DDX47: variants seen among roughly 807,000 people sequenced by gnomAD.
The protein encoded by DDX47 is DEAD-box helicase 47.
In DDX47, 60 loss-of-function variants were observed where a neutral mutation model predicts 58.8. The ratio of observed to expected loss-of-function variants is 1.02; its 90% CI spans 0.83 to 1.26. The LOEUF is 1.26. Among genes scored for constraint, DDX47 ranks in the 50% most tolerant of loss-of-function variants. The probability of loss-of-function intolerance (pLI) is 0.00; values close to 1 mark genes in which losing one functional copy is unlikely to be tolerated. For missense variants in DDX47, 530 were observed against 573.2 expected (o/e 0.92, Z 0.77); for synonymous variants, 197 against 204.6 (o/e 0.96, Z 0.32).
chr12:12,819,050 G>A (rs1005183015), intron 2 of DDX47, among the ~76,000 whole-genome samples: 4 of 152,176 alleles, frequency 2.6e-5, no homozygotes, highest in African/African-American at 9.7e-5. Context: ...ACTGATTAAT[G>A]TTTAAGAGGT....
rs1056537877 is a variant in DDX47 at position 12,821,244 on chromosome 12, G to A, written c.218G>A (p.Gly73Glu). The A allele has an allele frequency of 8.7e-6, 14 of 1,614,110 alleles. No individual in the cohort carries two copies. The highest frequency in any genetic ancestry group is 1.0e-5 in the Non-Finnish European group (12 of 1,180,060). Residue 73 changes from glycine (G) to glutamate (E), a missense_variant, in exon 3 of 12, where the codon GGA becomes GAA. Coordinates refer to ENST00000358007, the MANE Select transcript of DDX47 (RefSeq NM_016355.4). ...DIIGLAETGS[G>E]KTGAFALPIL... ...ATTGGGCTTGCAGAAACTGGCTCTG[G>A]AAAGACAGGCGCCTTTGCTTTGCCC...
intron 11 of DDX47, among the ~76,000 whole-genome samples, chr12:12,827,816 T>G (rs1222253883): frequency 2.0e-5 from 3 of 152,010 alleles, no homozygotes; most frequent in Non-Finnish European, 4.4e-5. Flanking sequence ...TAGTAGGGGT[T>G]GATCATACCT....
chr12:12,827,414 A>G (rs1340391106), intron 11 of DDX47, 39 bp downstream of exon 11: 2 of 1,609,782 alleles, frequency 1.2e-6, no homozygotes, highest in Non-Finnish European at 1.7e-6. Flanking sequence ...CTGTGCAAAC[A>G]ATGTTAACTG....
chr12:12,825,806 C>G (rs912512216), intron 9 of DDX47, among the ~76,000 whole-genome samples, 194 bp from the exon 10 acceptor site: 1 of 152,160 alleles, frequency 6.6e-6, no homozygotes, highest in Non-Finnish European at 1.5e-5. Flanking sequence ...AGCATTGGAT[C>G]AATTTTGTGC....
intron 2 of DDX47, chr12:12,814,711 T>A (rs1182774914): frequency 1.3e-5 from 2 of 157,114 alleles, no homozygotes; most frequent in East Asian, 3.8e-4. Flanking sequence ...AGATAGAGTT[T>A]CGCTCTGTCG....
intron 1 of DDX47, among the ~76,000 whole-genome samples, 183 bp from the exon 2 acceptor site, chr12:12,813,948 A>C (rs1862853725): frequency 6.6e-6 from 1 of 152,222 alleles, no homozygotes; most frequent in East Asian, 1.9e-4. Context: ...GTGAGCAGAA[A>C]GTGTTCGTTA....
chr12:12,817,240 C>A (rs1592321263), intron 2 of DDX47, among the ~76,000 whole-genome samples: 2 of 152,156 alleles, frequency 1.3e-5, no homozygotes, highest in Non-Finnish European at 2.9e-5. Flanking sequence ...TATAACAATG[C>A]TGAATGGTAG....
chr12:12,827,166 G>A (rs1863063900), intron 10 of DDX47, 80 bp from the exon 11 acceptor site: 1 of 1,516,052 alleles, frequency 6.6e-7, no homozygotes, highest in South Asian at 1.2e-5. Context: ...CTATTGCGTT[G>A]TATCATATAA....
intron 11 of DDX47, among the ~76,000 whole-genome samples, 189 bp from the exon 12 acceptor site, chr12:12,829,234 T>G (rs753931179): frequency 1.2e-4 from 18 of 152,208 alleles, no homozygotes; most frequent in Admixed American, 2.0e-4. Flanking sequence ...AAACCTTACT[T>G]TAGTGTTCAC....
At chr12:12,822,613 C>T (rs554208518) in intron 5 of DDX47, 48 bp from the exon 6 acceptor site, 3 of 1,509,366 alleles carry the variant, frequency 2.0e-6, no homozygotes, top group East Asian at 2.3e-5. Context: ...ATTTGCAGCT[C>T]TTCCAGTCTG....
chr12:12,819,989 T>C (rs1862945658), intron 2 of DDX47, among the ~76,000 whole-genome samples: 1 of 152,182 alleles, frequency 6.6e-6, no homozygotes, highest in Non-Finnish European at 1.5e-5. Context: ...GGAAAAGAGA[T>C]TTGTTTATTG....
At chr12:12,825,627 G>T (rs76710457) in intron 9 of DDX47, among the ~76,000 whole-genome samples, 3,583 of 152,186 alleles carry the variant, frequency 0.024, 129 homozygotes, top group African/African-American at 0.08. Context: ...AGAAACCAAG[G>T]TTCAGAGAGG....
In DDX47 at chr12:12,824,538, A is replaced by G; in HGVS notation, c.898-2A>G. On this transcript the variant is annotated splice_acceptor_variant, in intron 8 of 11. Coordinates refer to ENST00000358007, the MANE Select transcript of DDX47 (RefSeq NM_016355.4). LOFTEE classifies it high-confidence loss of function. The stretch of plus-strand genomic sequence containing the variant: ...TCCAACATTTCTTTTTCATTACCTC[A>G]GAGTAAGCGCCTAGGATCCCTTAAT... The G allele has an allele frequency of 6.2e-7, 1 of 1,605,408 alleles. No individual in the cohort carries two copies. Among genetic ancestry groups the G allele is most frequent in the Non-Finnish European group, 8.5e-7 (1 of 1,177,876 alleles).
At position 12,823,898 on chromosome 12, in the gene DDX47, A is replaced by G. The variant is rs745599661; in HGVS notation, c.779A>G (p.Glu260Gly). The G allele has an allele frequency of 6.2e-7, 1 of 1,613,970 alleles. No individual in the cohort carries two copies. The highest frequency in any genetic ancestry group is 1.3e-5 in the African/African-American group (1 of 74,928). The change falls in exon 8 of 12, where the codon GAA becomes GGA. Residue 260 changes from glutamate to glycine, a missense_variant. Glu to Gly is a moderately conservative substitution (Grantham distance 98, BLOSUM62 -2). Transcript: ENST00000358007. ...ACCTACCTGGTTTATATTCTAAATG[A>G]ATTGGCTGGAAACTCCTTTATGATA... is the stretch of plus-strand genomic sequence containing the variant. ...KDTYLVYILN[E>G]LAGNSFMIFC...
At chr12:12,813,908 A>G (rs1862852783) in intron 1 of DDX47, among the ~76,000 whole-genome samples, 1 of 152,224 alleles carries the variant, frequency 6.6e-6, no homozygotes, top group Non-Finnish European at 1.5e-5. Context: ...AAATGAGATG[A>G]TACATGTAAA....
At chr12:12,819,349 C>CTT (rs759308262) in intron 2 of DDX47, among the ~76,000 whole-genome samples, 1 of 139,534 alleles carries the variant, frequency 7.2e-6, no homozygotes, top group African/African-American at 2.6e-5. Context: ...ATCTATGGAG[C>CTT]TTTTTTTTTT....
At chr12:12,828,958 A>G (rs1863092776) in intron 11 of DDX47, among the ~76,000 whole-genome samples, 1 of 152,158 alleles carries the variant, frequency 6.6e-6, no homozygotes, top group African/African-American at 2.4e-5. Context: ...GTTTCTTTCT[A>G]CTTTGGTACA....
chr12:12,816,279 A>G (rs1376033225), intron 2 of DDX47, among the ~76,000 whole-genome samples: 1 of 152,218 alleles, frequency 6.6e-6, no homozygotes, highest in African/African-American at 2.4e-5. Flanking sequence ...CTGAAGATCT[A>G]TTGAATAGCA....
intron 5 of DDX47, 66 bp downstream of exon 5, chr12:12,822,149 T>C (rs1192353741): frequency 2.0e-6 from 2 of 1,002,436 alleles, no homozygotes; most frequent in Non-Finnish European, 3.2e-6. Context: ...ATTTGGTTCA[T>C]TGCCCACTTG....
Sources: allele counts gnomAD v4.1 joint callset (sites outside exome capture counted in the v4.1 genomes callset), GRCh38; gene constraint gnomAD v4.1.1; transcripts MANE v1.5; gene names NCBI Gene and HGNC (gene_info 2026-07-23, HGNC 2026-07-21).